The following MGAT4C variants were observed in gnomAD, a reference collection of about 807,000 sequenced individuals.
MGAT4C encodes alpha-1,3-mannosyl-glycoprotein 4-beta-N-acetylglucosaminyltransferase C.
In MGAT4C, 19 loss-of-function variants were observed where a neutral mutation model predicts 40.1. That is an observed-to-expected ratio of 0.47 (90% CI 0.33 to 0.70). The LOEUF is 0.70. Among genes scored for constraint, MGAT4C ranks in the 30% least tolerant of loss-of-function variants. MGAT4C has a pLI of 0.02. For missense variants in MGAT4C, 491 were observed against 563.2 expected (o/e 0.87, Z 1.30); for synonymous variants, 181 against 187.1 (o/e 0.97, Z 0.27).
intron 4 of MGAT4C, among the ~76,000 whole-genome samples, chr12:86,310,961 G>T (rs958767279): frequency 6.6e-6 from 1 of 152,124 alleles, no homozygotes; most frequent in African/African-American, 2.4e-5. Context: ...AAATTAAGCG[G>T]AAGGGAATAA....
At chr12:86,220,517 T>C (rs1950838325) in intron 1 of MGAT4C, among the ~76,000 whole-genome samples, 1 of 152,182 alleles carries the variant, frequency 6.6e-6, no homozygotes. Flanking sequence ...AATCCCTTAA[T>C]TGTAAGTAGC....
chr12:86,220,943 A>G (rs1402214996), intron 1 of MGAT4C, among the ~76,000 whole-genome samples: 34 of 152,174 alleles, frequency 2.2e-4, no homozygotes, highest in Admixed American at 2.2e-3. Flanking sequence ...AGCTGACTCT[A>G]CTACAAAGGC....
Position 86,670,770 on chromosome 12 carries a change from G to A in MGAT4C, c.-229+56439C>T, listed in dbSNP as rs560185255. Among the ~76,000 whole-genome samples the A allele has an allele frequency of 2.0e-5, 3 of 152,256 alleles. No homozygotes were observed. In the South Asian group the frequency reaches 6.2e-4, roughly 32 times the overall value. On this transcript the variant is annotated intron_variant, in intron 2 of 7. Transcript: ENST00000548651. The stretch of plus-strand genomic sequence containing the variant: ...CACCAAGGCATATGGTCACCAGACT[G>A]TCCAAGGCCAATGCTAAAGAAAAAA...
At chr12:86,819,181 T>C (rs1952659067) in intron 1 of MGAT4C, among the ~76,000 whole-genome samples, 1 of 151,022 alleles carries the variant, frequency 6.6e-6, no homozygotes, top group Non-Finnish European at 1.5e-5. Context: ...AAGAAGTCAA[T>C]TATTATATCT....
At chr12:86,674,749 C>T (rs1278553384) in intron 2 of MGAT4C, among the ~76,000 whole-genome samples, 1 of 152,178 alleles carries the variant, frequency 6.6e-6, no homozygotes, top group South Asian at 2.1e-4. Flanking sequence ...CTGGTCTAAT[C>T]ATCCAATGCA....
chr12:86,770,008 A>G (rs897739342), intron 1 of MGAT4C, among the ~76,000 whole-genome samples: 1 of 151,842 alleles, frequency 6.6e-6, no homozygotes, highest in African/African-American at 2.4e-5. Context: ...AACTGAAAGT[A>G]TAATAATAAT....
In MGAT4C at chr12:86,142,684, A is replaced by T. The variant is rs181307267; in HGVS notation, c.-56-92961T>A. ...GGTTACAATAACTACATAGGTAGGG[A>T]TGGAGAGAGGCATTGTGGTCCATTC... On this transcript the variant is annotated intron_variant, in intron 1 of 4. Transcript: ENST00000611864. Among the ~76,000 whole-genome samples the T allele has an allele frequency of 3.7e-3, 562 of 151,686 alleles. 3 individuals carry two copies. Among genetic ancestry groups the T allele is most frequent in the African/African-American group, 0.013 (539 of 41,356 alleles).
intron 2 of MGAT4C, among the ~76,000 whole-genome samples, chr12:86,615,350 G>T (rs1962414457): frequency 6.6e-6 from 1 of 152,032 alleles, no homozygotes; most frequent in African/African-American, 2.4e-5. Context: ...AGGGGTTGGA[G>T]GGTGCTTAAG....
intron 1 of MGAT4C, among the ~76,000 whole-genome samples, chr12:86,733,424 AAAACAAACAAAC>A (rs528730046): frequency 1.3e-5 from 2 of 151,992 alleles, no homozygotes; most frequent in African/African-American, 2.4e-5. Context: ...CAAGAAGAGC[AAAACAAACAAAC>A]AAACAAACAA....
intron 2 of MGAT4C, among the ~76,000 whole-genome samples, chr12:86,436,680 C>A (rs78821658): frequency 6.6e-6 from 1 of 151,574 alleles, no homozygotes; most frequent in African/African-American, 2.4e-5. Flanking sequence ...ATCCAAACAA[C>A]GTTTTCTTTT....
chr12:86,152,386 C>T (rs1043078219), intron 1 of MGAT4C, among the ~76,000 whole-genome samples: 9 of 152,178 alleles, frequency 5.9e-5, no homozygotes, highest in African/African-American at 2.2e-4. Context: ...AATGCTGTGT[C>T]TCACATAGCA....
rs115235254 is a variant in MGAT4C, at chr12:86,482,959, G to A, written c.-228-47694C>T. 4.7e-3 allele frequency among the ~76,000 whole-genome samples: 712 copies of A among 152,168 alleles called. 3 individuals carry two copies. The highest frequency in any genetic ancestry group is 0.016 in the African/African-American group (683 of 41,518). On this transcript the variant is annotated intron_variant, in intron 2 of 7. Transcript: ENST00000548651. ...TCTTGTATTTATTTACAAATGTATC[G>A]TGATTCTTACATAAAAGTTCAAGGC...
intron 4 of MGAT4C, among the ~76,000 whole-genome samples, chr12:86,266,170 C>A (rs1027135062): frequency 6.6e-6 from 1 of 152,150 alleles, no homozygotes; most frequent in African/African-American, 2.4e-5. Flanking sequence ...ACTTCTAGTA[C>A]TATGTTGAAT....
At chr12:86,442,484 C>T (rs1210545795) in intron 2 of MGAT4C, among the ~76,000 whole-genome samples, 1 of 152,046 alleles carries the variant, frequency 6.6e-6, no homozygotes, top group Non-Finnish European at 1.5e-5. Flanking sequence ...TTAGGTCTAA[C>T]ATTTAAGTGT....
intron 1 of MGAT4C, among the ~76,000 whole-genome samples, chr12:86,757,833 C>T (rs1004884202): frequency 3.9e-5 from 6 of 152,076 alleles, no homozygotes; most frequent in African/African-American, 1.4e-4. Flanking sequence ...AGTAGTAATT[C>T]AGTTTCCAGT....
At chr12:86,639,438 C>T (rs963011812) in intron 2 of MGAT4C, among the ~76,000 whole-genome samples, 3 of 151,162 alleles carry the variant, frequency 2.0e-5, no homozygotes, top group Non-Finnish European at 4.4e-5. Flanking sequence ...ATATATTTTG[C>T]CTGAATTACA....
chr12:86,825,690 A>T (rs1247099092), intron 1 of MGAT4C, among the ~76,000 whole-genome samples: 1 of 151,528 alleles, frequency 6.6e-6, no homozygotes, highest in Non-Finnish European at 1.5e-5. Flanking sequence ...AAGACATAAA[A>T]TATATAGTTC....
Position 86,359,921 on chromosome 12 carries a change from T to C in MGAT4C, c.-119-25794A>G, listed in dbSNP as rs569115743. 7.2e-5 allele frequency among the ~76,000 whole-genome samples: 11 copies of C among 152,298 alleles called. 1 individual carries two copies. In the South Asian group the frequency reaches 1.7e-3, roughly 23 times the overall value. On this transcript the variant is annotated intron_variant, in intron 3 of 7. Transcript: ENST00000548651. The stretch of plus-strand genomic sequence containing the variant: ...GAGGTACAAAGAGGAGCTGGTACCA[T>C]TCCTTCTGAAACTATTCCAATTAAT...
intron 2 of MGAT4C, among the ~76,000 whole-genome samples, chr12:86,657,219 A>T (rs1208195887): frequency 6.6e-6 from 1 of 152,054 alleles, no homozygotes; most frequent in Non-Finnish European, 1.5e-5. Context: ...GTCTAAAAGG[A>T]ATCTGTAAGA....
Sources: allele counts gnomAD v4.1 joint callset (sites outside exome capture counted in the v4.1 genomes callset), GRCh38; gene constraint gnomAD v4.1.1; transcripts MANE v1.5; gene names NCBI Gene and HGNC (gene_info 2026-07-23, HGNC 2026-07-21).